The following GGH variants were observed in gnomAD, a reference collection of about 807,000 sequenced individuals.
GGH encodes gamma-Glu-X carboxypeptidase.
A neutral mutation model predicts 39.2 loss-of-function variants in GGH; 18 were observed. The observed-to-expected ratio is 0.46, with a 90% confidence interval of 0.32 to 0.68. The LOEUF (loss-of-function observed/expected upper bound fraction) is 0.68, where lower values mean the gene tolerates loss of function less well. GGH is among the 30% of genes least tolerant of loss of function. GGH has a pLI of 0.04. For missense variants in GGH, 367 were observed against 384.1 expected, an observed-to-expected ratio of 0.96 and a Z score of 0.37; for synonymous variants, 147 against 138.8, an observed-to-expected ratio of 1.06 and a Z score of -0.42.
chr8:63,030,695 C>T (rs1804786870), intron 2 of GGH, among the ~76,000 whole-genome samples: 1 of 152,086 alleles, frequency 6.6e-6, no homozygotes, highest in South Asian at 2.1e-4. Context: ...AAACTAGTTG[C>T]AACAGTCTAG....
chr8:63,016,837 C>T (rs1337904049), intron 8 of GGH, among the ~76,000 whole-genome samples: 2 of 152,170 alleles, frequency 1.3e-5, no homozygotes, highest in Non-Finnish European at 1.5e-5. Context: ...CACCAAACAG[C>T]AGGCAGAGTT....
chr8:63,030,192 CA>C lies in GGH; in HGVS notation c.249del (p.Tyr83Ter). ...PVRLDLTEKD[Y>X]EILFKSINGI... ...CCATTAATAGATTTGAAAAGTATTT[CA>C]TAGTCTTTCTCTGTAAGATCCAGCC... On this transcript the variant is annotated frameshift_variant, in exon 3 of 9. Coordinates refer to ENST00000260118, the MANE Select transcript of GGH (RefSeq NM_003878.3). LOFTEE classifies it high-confidence loss of function. 1.4e-6 allele frequency: 2 copies of C among 1,449,768 alleles called. No individual in the cohort carries two copies. The highest frequency in any genetic ancestry group is 1.9e-6 in the Non-Finnish European group (2 of 1,031,030). 89.8% of individuals were successfully genotyped at this position (1,449,768 alleles called of 1,614,324 possible). A position where few individuals can be genotyped will look rare whatever the true frequency, so the allele number is the denominator to read the frequency against.
chr8:63,030,979 A>G (rs1287989737), intron 2 of GGH, among the ~76,000 whole-genome samples: 2 of 152,220 alleles, frequency 1.3e-5, no homozygotes, highest in Non-Finnish European at 2.9e-5. Flanking sequence ...AAAATGCAAC[A>G]ATAAGGGAAG....
chr8:63,022,279 T>C (rs1804601539), intron 7 of GGH, among the ~76,000 whole-genome samples: 1 of 152,164 alleles, frequency 6.6e-6, no homozygotes, highest in Admixed American at 6.5e-5. Context: ...TTTATCCACC[T>C]GAAAATTTTT....
chr8:63,015,472 A>G lies in GGH; in HGVS notation c.836-19T>C. ...TTCCGAGCTGCAAGAAAAAAAGTTAATTTTTAAAAAGATCAGATGACAAAA... is the reference window on the plus strand; with the variant it reads ...TTCCGAGCTGCAAGAAAAAAAGTTAGTTTTTAAAAAGATCAGATGACAAAA... On this transcript the variant is annotated intron_variant, in intron 8 of 8. Coordinates refer to ENST00000260118, the MANE Select transcript of GGH (RefSeq NM_003878.3). The G allele has an allele frequency of 6.1e-6, 9 of 1,478,654 alleles. No individual in the cohort carries two copies. Among genetic ancestry groups the G allele is most frequent in the Non-Finnish European group, 7.4e-6 (8 of 1,079,892 alleles). The allele number at this position is 1,478,654 out of a possible 1,614,324, so 91.6% of individuals were successfully genotyped here.
chr8:63,025,768 A>T (rs1804673212), intron 5 of GGH, among the ~76,000 whole-genome samples: 1 of 152,124 alleles, frequency 6.6e-6, no homozygotes, highest in Non-Finnish European at 1.5e-5. Flanking sequence ...TATTCACAAA[A>T]AAAACCCCTA....
At chr8:63,033,134 T>A (rs1223951194) in intron 2 of GGH, among the ~76,000 whole-genome samples, 1 of 152,316 alleles carries the variant, frequency 6.6e-6, no homozygotes, top group South Asian at 2.1e-4. Context: ...TAAGAGAAGG[T>A]TAAGTATTTC....
At chr8:63,021,742 C>A (rs755876597) in intron 7 of GGH, among the ~76,000 whole-genome samples, 10 of 137,976 alleles carry the variant, frequency 7.2e-5, no homozygotes, top group Non-Finnish European at 1.5e-4. Flanking sequence ...TGTGCAATCT[C>A]AGCTCACTGA....
At chr8:63,026,055 A>T in intron 5 of GGH, 103 bp downstream of exon 5, 2 of 908,618 alleles carry the variant, frequency 2.2e-6, no homozygotes, top group East Asian at 2.8e-5. Flanking sequence ...TTCAGGGAAA[A>T]GGCTAAAAAG....
intron 1 of GGH, among the ~76,000 whole-genome samples, chr8:63,038,022 C>T (rs62510072): frequency 0.21 from 31,845 of 152,156 alleles, 3,594 homozygotes; most frequent in South Asian, 0.27. Context: ...ATGATTTCTC[C>T]TAGGTAGCTT....
intron 1 of GGH, among the ~76,000 whole-genome samples, chr8:63,037,012 G>A (rs1585675932): frequency 6.6e-6 from 1 of 152,206 alleles, no homozygotes; most frequent in Non-Finnish European, 1.5e-5. Flanking sequence ...ATCAAAACAC[G>A]TCTGTCGGGT....
intron 5 of GGH, among the ~76,000 whole-genome samples, chr8:63,025,696 G>A (rs900076662): frequency 1.3e-5 from 2 of 151,720 alleles, no homozygotes; most frequent in Admixed American, 6.6e-5. Flanking sequence ...GCGTCACTGC[G>A]CTCCAGACTG....
chr8:63,024,275 T>C, intron 5 of GGH, 89 bp from the exon 6 acceptor site: 1 of 694,634 alleles, frequency 1.4e-6, no homozygotes, highest in Non-Finnish European at 2.5e-6. Context: ...GAGAAGCCAT[T>C]ATGAAGACAT....
rs979607594 is a variant in GGH at position 63,035,870 on chromosome 8, T to C, written c.110-100A>G. The C allele has an allele frequency of 1.9e-5, 21 of 1,083,372 alleles. No homozygotes were observed. In the Admixed American group the frequency reaches 2.2e-4, roughly 11 times the overall value. The allele number at this position is 1,083,372 out of a possible 1,614,324, so 67.1% of individuals were successfully genotyped here. A position where few individuals can be genotyped will look rare whatever the true frequency, so the allele number is the denominator to read the frequency against. ...AAAATATCATATTTTATTATTTCAA[T>C]CCACAGAATTAAATAGGAAGTCTCT... is the stretch of plus-strand genomic sequence containing the variant. On this transcript the variant is annotated intron_variant, in intron 1 of 8. Coordinates refer to ENST00000260118, the MANE Select transcript of GGH (RefSeq NM_003878.3).
intron 8 of GGH, chr8:63,017,242 CA>C: frequency 2.6e-6 from 1 of 383,768 alleles, no homozygotes; most frequent in South Asian, 5.8e-5. Context: ...CAACATTCTT[CA>C]CACTGTTGTT....
intron 2 of GGH, among the ~76,000 whole-genome samples, chr8:63,031,295 A>T (rs796421578): frequency 6.6e-6 from 1 of 152,244 alleles, no homozygotes; most frequent in Non-Finnish European, 1.5e-5. Context: ...ACAAGTTCAT[A>T]GTAATCTCTT....
At chr8:63,035,598 C>T in intron 2 of GGH, 58 bp downstream of exon 2, 1 of 1,567,386 alleles carries the variant, frequency 6.4e-7, no homozygotes, top group Middle Eastern at 1.7e-4. Flanking sequence ...AGGCACCGCA[C>T]CCGTACGCAG....
chr8:63,020,025 T>A (rs1804559235), intron 7 of GGH, among the ~76,000 whole-genome samples: 1 of 152,232 alleles, frequency 6.6e-6, no homozygotes, highest in Admixed American at 6.5e-5. Flanking sequence ...ATAGAGCTTA[T>A]TTTGAGAAAT....
chr8:63,025,263 T>A (rs1804663542), intron 5 of GGH: 1 of 152,114 alleles, frequency 6.6e-6, no homozygotes, highest in Non-Finnish European at 1.5e-5. Flanking sequence ...AGACTAATCA[T>A]CAGAAAAACT....
Sources: allele counts gnomAD v4.1 joint callset (sites outside exome capture counted in the v4.1 genomes callset), GRCh38; gene constraint gnomAD v4.1.1; transcripts MANE v1.5; gene names NCBI Gene and HGNC (gene_info 2026-07-23, HGNC 2026-07-21).